BSPH1: variants seen among roughly 807,000 people sequenced by gnomAD.
The protein encoded by BSPH1 is binder of sperm protein homolog 1.
In BSPH1, 21 loss-of-function variants were observed where a neutral mutation model predicts 22.5. The observed-to-expected ratio is 0.93, with a 90% CI of 0.66 to 1.35. BSPH1 has a LOEUF of 1.35. BSPH1 is among the 40% of genes most tolerant of loss of function. BSPH1 has a pLI of 0.00. For missense variants in BSPH1, 141 were observed against 154.2 expected, an observed-to-expected ratio of 0.91 and a Z score of 0.45; for synonymous variants, 42 against 53.6, an observed-to-expected ratio of 0.78 and a Z score of 0.95.
In BSPH1 at chr19:47,989,110, TTTATTATTATTATTATTATTATTATTA is replaced by T. The variant is rs199985003; in HGVS notation, c.73+2872_73+2898del. ...TCCAGCAAACCTATCAAGTCACCGTTTTATTATTATTATTATTATTATTATTATTATTATTATTATTATTATTATTTT... is the reference window on the plus strand; with the variant it reads ...TCCAGCAAACCTATCAAGTCACCGTTTTATTATTATTATTATTATTATTTT... On this transcript the variant is annotated intron_variant, in intron 1 of 5. Transcript: ENST00000344839. Among the ~76,000 whole-genome samples the T allele has an allele frequency of 7.9e-5, 11 of 138,420 alleles. No individual in the cohort carries two copies. In the East Asian group the frequency reaches 1.1e-3, roughly 13 times the overall value. 90.8% of individuals were successfully genotyped at this position (138,420 alleles called of 152,430 possible). A position where few individuals can be genotyped will look rare whatever the true frequency, so the allele number is the denominator to read the frequency against.
At chr19:47,974,819 A>G (rs1413321980) in intron 5 of BSPH1, among the ~76,000 whole-genome samples, 1 of 151,788 alleles carries the variant, frequency 6.6e-6, no homozygotes, top group Non-Finnish European at 1.5e-5. Flanking sequence ...TGACTGACGC[A>G]TTAACCTCAA....
chr19:47,985,702 G>A (rs1969463972), intron 1 of BSPH1, among the ~76,000 whole-genome samples: 2 of 152,064 alleles, frequency 1.3e-5, no homozygotes, highest in African/African-American at 2.4e-5. Context: ...GGGCATGGTG[G>A]TGTGCGCCTA....
At chr19:47,970,775 C>T (rs1262626192) in intron 5 of BSPH1, among the ~76,000 whole-genome samples, 1 of 152,138 alleles carries the variant, frequency 6.6e-6, no homozygotes, top group Non-Finnish European at 1.5e-5. Context: ...GGGATGTTAG[C>T]AGGATGGATA....
intron 5 of BSPH1, among the ~76,000 whole-genome samples, chr19:47,974,850 A>G (rs1969346970): frequency 6.6e-6 from 1 of 152,046 alleles, no homozygotes; most frequent in Admixed American, 6.6e-5. Context: ...TACACTAGCC[A>G]GACGTCTTCC....
chr19:47,977,595 A>C, intron 3 of BSPH1, 91 bp from the exon 4 acceptor site: 6 of 1,499,218 alleles, frequency 4.0e-6, no homozygotes, highest in Non-Finnish European at 5.3e-6. Flanking sequence ...TGCCCTTTGA[A>C]ATCAGAGTCA....
At chr19:47,991,401 T>C (rs993868990) in intron 1 of BSPH1, among the ~76,000 whole-genome samples, 5 of 150,588 alleles carry the variant, frequency 3.3e-5, no homozygotes, top group African/African-American at 1.2e-4. Flanking sequence ...TCCCTCTCCT[T>C]TTTCACCTTC....
intron 2 of BSPH1, chr19:47,980,479 T>G: frequency 7.2e-6 from 1 of 139,688 alleles, no homozygotes; most frequent in Non-Finnish European, 1.1e-5. Flanking sequence ...TCTTCTTTCT[T>G]TTTTTTTTTT....
chr19:47,987,029 C>T (rs943307223), intron 1 of BSPH1, among the ~76,000 whole-genome samples: 1 of 152,156 alleles, frequency 6.6e-6, no homozygotes, highest in Non-Finnish European at 1.5e-5. Context: ...GTGTCTGTTT[C>T]CTCTTCTTAT....
intron 1 of BSPH1, among the ~76,000 whole-genome samples, chr19:47,991,716 T>C (rs1966874887): frequency 9.9e-6 from 1 of 100,610 alleles, no homozygotes; most frequent in African/African-American, 3.5e-5. Context: ...CTCCTCCTCC[T>C]TCTTCCTACT....
In BSPH1 at chr19:47,992,158, C is replaced by A; in HGVS notation, c.-77G>T. On this transcript the variant is annotated 5_prime_UTR_variant, in exon 1 of 6. Coordinates refer to ENST00000344839, the MANE Select transcript of BSPH1 (RefSeq NM_001128326.2). ...AGGGCTCAAGAATCCCCTGGAGAGG[C>A]CCAGGGAGGCTTCTTGGAAAAGCAG... 1 of 1,155,322 alleles carries A rather than the reference C, an allele frequency of 8.7e-7. No homozygotes were observed. The highest frequency in any genetic ancestry group is 1.3e-6 in the Non-Finnish European group (1 of 799,854). 71.6% of individuals were successfully genotyped at this position (1,155,322 alleles called of 1,614,324 possible).
intron 5 of BSPH1, among the ~76,000 whole-genome samples, chr19:47,968,460 T>C (rs1187645801): frequency 1.3e-5 from 2 of 151,090 alleles, no homozygotes; most frequent in African/African-American, 4.9e-5. Context: ...CGCGTTCAAA[T>C]GATTCTCCTG....
chr19:47,990,798 T>TA (rs1476718498), intron 1 of BSPH1, among the ~76,000 whole-genome samples: 1 of 152,184 alleles, frequency 6.6e-6, no homozygotes, highest in Non-Finnish European at 1.5e-5. Context: ...TCATAATTGT[T>TA]ACAGGCAACA....
chr19:47,976,649 C>CT, intron 5 of BSPH1, 61 bp downstream of exon 5: 1 of 1,278,874 alleles, frequency 7.8e-7, no homozygotes, highest in Non-Finnish European at 1.1e-6. Flanking sequence ...AACAAAAACT[C>CT]TAGGTTCTTT....
chr19:47,973,218 A>AAAT (rs60548503), intron 5 of BSPH1, among the ~76,000 whole-genome samples: 51,119 of 131,438 alleles, frequency 0.39, 9,549 homozygotes, highest in East Asian at 0.49. Context: ...CTCCGTCTCA[A>AAAT]AATAATAATA....
chr19:47,978,289 G>C (rs1036696410), intron 3 of BSPH1, among the ~76,000 whole-genome samples: 2 of 151,844 alleles, frequency 1.3e-5, no homozygotes, highest in Non-Finnish European at 1.5e-5. Flanking sequence ...ATTTTTTGTA[G>C]AGATGAGATC....
chr19:47,982,268 T>C (rs1336481715), intron 1 of BSPH1, among the ~76,000 whole-genome samples: 2 of 152,260 alleles, frequency 1.3e-5, no homozygotes, highest in African/African-American at 4.8e-5. Flanking sequence ...AACTAGTTCA[T>C]CAAATTTGTG....
intron 5 of BSPH1, 118 bp downstream of exon 5, chr19:47,976,592 A>AAC (rs1969365741): frequency 6.0e-6 from 4 of 668,238 alleles, no homozygotes; most frequent in African/African-American, 2.0e-5. Flanking sequence ...GAAAAAAAAA[A>AAC]AAAACAAAAA....
rs746437945 is a variant in BSPH1, at chr19:47,977,493, C to T, written c.136G>A (p.Val46Ile). Residue 46 changes from valine (V) to isoleucine (I), a missense_variant, in exon 4 of 6, where the codon GTC becomes ATC. Physicochemically the swap from Val to Ile is conservative, Grantham distance 29. Coordinates refer to ENST00000344839, the MANE Select transcript of BSPH1 (RefSeq NM_001128326.2). ...HFPEVTDGEC[V>I]FPFHYKNGTY... ...CCATTTTTATAGTGGAATGGAAAGA[C>T]ACACTCCCCATCTAGAGAAAACAAA... 3.2e-6 allele frequency: 5 copies of T among 1,551,476 alleles called. No individual in the cohort carries two copies. The highest frequency in any genetic ancestry group is 4.4e-6 in the Non-Finnish European group (5 of 1,146,872).
chr19:47,977,546 GGA>G, intron 3 of BSPH1, 42 bp from the exon 4 acceptor site: 1 of 1,545,842 alleles, frequency 6.5e-7, no homozygotes, highest in Non-Finnish European at 8.7e-7. Flanking sequence ...GGGTGTGTTA[GGA>G]GAGAGGTTAT....
Sources: allele counts gnomAD v4.1 joint callset (sites outside exome capture counted in the v4.1 genomes callset), GRCh38; gene constraint gnomAD v4.1.1; transcripts MANE v1.5; gene names NCBI Gene and HGNC (gene_info 2026-07-23, HGNC 2026-07-21).